SYT8: variants seen among roughly 807,000 people sequenced by gnomAD.
SYT8 encodes synaptotagmin-8.
A neutral mutation model predicts 34.9 loss-of-function variants in SYT8; 50 were observed. The observed-to-expected ratio is 1.43, with a 90% CI of 1.14 to 1.81. SYT8 has a LOEUF of 1.81. SYT8 is among the 40% of genes most tolerant of loss of function. The pLI, the probability that SYT8 is intolerant of heterozygous loss-of-function variation, is 0.00. For missense variants in SYT8, 595 were observed against 529.0 expected (o/e 1.12, Z -1.22); for synonymous variants, 255 against 234.2 (o/e 1.09, Z -0.81).
Position 1,836,948 on chromosome 11 carries a change from C to T in SYT8, c.791-9C>T. 6.2e-7 allele frequency: 1 copy of T among 1,613,398 alleles called. No individual in the cohort carries two copies. On this transcript the variant is annotated splice_polypyrimidine_tract_variant and intron_variant, in intron 6 of 7. Coordinates refer to ENST00000341958, the MANE Select transcript of SYT8 (RefSeq NM_001394072.1). ...CTGGGATGCCCCTTCGGCAACCTTG[C>T]CCTCCCAGAGCCCTACGTGAAGGTC...
intron 6 of SYT8, 21 bp from the exon 7 acceptor site, chr11:1,836,936 T>C (rs1408598313): frequency 1.2e-6 from 2 of 1,613,044 alleles, no homozygotes; most frequent in Non-Finnish European, 1.7e-6. Context: ...GGATGCCCCT[T>C]CGGCAACCTT....
chr11:1,835,988 A>C lies in SYT8; in HGVS notation c.357+4A>C. On this transcript the variant is annotated splice_donor_region_variant and intron_variant, in intron 3 of 7. Transcript: ENST00000341958. ...GTTCGACTTTGGAAGCCAGGAGGTG[A>C]AGGGCCCCGCTGCGCAGGACCAGCG... 6.2e-7 allele frequency: 1 copy of C among 1,605,248 alleles called. No homozygotes were observed. Among genetic ancestry groups the C allele is most frequent in the Non-Finnish European group, 8.5e-7 (1 of 1,177,066 alleles).
In SYT8 at chr11:1,836,790, G is replaced by C. The variant is rs75258793; in HGVS notation, c.719G>C (p.Arg240Pro). Residue 240 changes from arginine to proline, a missense_variant, in exon 6 of 8, where the codon CGG (arginine) becomes CCG (proline). Transcript: ENST00000341958. ...EQVGELCFSLRYVPSSGRLTV... is the reference protein window; with the variant it reads ...EQVGELCFSLPYVPSSGRLTV... ...GTCGGGGAGCTGTGCTTCTCTCTCC[G>C]GTACGTGCCCAGCTCAGGCCGGCTG... 173 of 1,610,716 alleles carry C rather than the reference G, an allele frequency of 1.1e-4. No homozygotes were observed. The highest frequency in any genetic ancestry group is 1.4e-4 in the Non-Finnish European group (170 of 1,179,940).
chr11:1,834,513 T>C, upstream of SYT8: 2 of 1,501,836 alleles, frequency 1.3e-6, no homozygotes, highest in African/African-American at 1.4e-5. This position sits in a 1 kb window ranked among gnomAD's most constrained non-coding sequence, Gnocchi z 4.5. Flanking sequence ...GCCCTGCTCC[T>C]CCCGCCATGA....
At chr11:1,834,628 G>T, upstream of SYT8, 1 of 1,579,044 alleles carries the variant, frequency 6.3e-7, no homozygotes, top group Non-Finnish European at 8.6e-7. The surrounding 1 kb of genome is among the most constrained non-coding windows in gnomAD (Gnocchi z 4.5). Flanking sequence ...GTGCGTGCTG[G>T]GGTAGAGGCA....
rs201918856 is a variant in SYT8 at position 1,835,301 on chromosome 11, C to T, written c.100C>T (p.Arg34Cys). Residue 34 changes from arginine (R) to cysteine (C), a missense_variant, in exon 2 of 8, where the codon CGC (arginine) becomes TGC (cysteine). Transcript: ENST00000341958. ...CAGCCTGGCCTCTACCCCAGGGCCC[C>T]GCTGGGCTCTCATTGCCGGCGCCCT... ...PDLVAGTPWP[R>C]WALIAGALAA... 86 of 1,599,536 alleles carry T rather than the reference C, an allele frequency of 5.4e-5. No individual in the cohort carries two copies. The highest frequency in any genetic ancestry group is 6.4e-5 in the Non-Finnish European group (75 of 1,171,620).
chr11:1,833,361 C>T (rs373689788), upstream of SYT8, among the ~76,000 whole-genome samples: 8 of 152,226 alleles, frequency 5.3e-5, no homozygotes, highest in African/African-American at 1.2e-4. Flanking sequence ...AGGCCCAGTG[C>T]AGAATGAAAA....
intron 1 of SYT8, 23 bp from the exon 2 acceptor site, chr11:1,835,273 A>T: frequency 6.2e-7 from 1 of 1,601,918 alleles, no homozygotes; most frequent in East Asian, 2.2e-5. Context: ...CCACAGATGC[A>T]CTCAGCCTGG....
At chr11:1,833,207 G>A (rs1396810983), upstream of SYT8, among the ~76,000 whole-genome samples, 1 of 152,148 alleles carries the variant, frequency 6.6e-6, no homozygotes, top group Non-Finnish European at 1.5e-5. Flanking sequence ...CGCCAGCCAC[G>A]TGTGGGACGC....
rs1285246040 is a variant in SYT8 at position 1,836,944 on chromosome 11, C to T, written c.791-13C>T. On this transcript the variant is annotated splice_polypyrimidine_tract_variant and intron_variant, in intron 6 of 7. Transcript: ENST00000341958. ...AGCCCTGGGATGCCCCTTCGGCAACCTTGCCCTCCCAGAGCCCTACGTGAA... is the reference window on the plus strand; with the variant it reads ...AGCCCTGGGATGCCCCTTCGGCAACTTTGCCCTCCCAGAGCCCTACGTGAA... 3.7e-6 allele frequency: 6 copies of T among 1,613,378 alleles called. No homozygotes were observed. Among genetic ancestry groups the T allele is most frequent in the Non-Finnish European group, 4.2e-6 (5 of 1,179,850 alleles).
At chr11:1,833,502 A>G (rs1335357418), upstream of SYT8, among the ~76,000 whole-genome samples, 1 of 152,132 alleles carries the variant, frequency 6.6e-6, no homozygotes, top group Non-Finnish European at 1.5e-5. Flanking sequence ...TGACCTCCGC[A>G]TCTCCTTTTT....
chr11:1,834,624 G>C (rs2063551), upstream of SYT8: 1,243,903 of 1,580,074 alleles, frequency 0.79, 490,912 homozygotes, highest in Middle Eastern at 0.82. The surrounding 1 kb of genome is among the most constrained non-coding windows in gnomAD (Gnocchi z 4.5). Flanking sequence ...TGTGGTGCGT[G>C]CTGGGGTAGA....
chr11:1,833,190 A>G (rs1478598381), upstream of SYT8, among the ~76,000 whole-genome samples: 2 of 152,090 alleles, frequency 1.3e-5, no homozygotes, highest in East Asian at 3.9e-4. Flanking sequence ...CACCAGTAGG[A>G]GCGCTCCGCC....
In SYT8 at chr11:1,835,458, T is replaced by G. The variant is rs1846860020; in HGVS notation, c.257T>G (p.Leu86Arg). 3 of 1,609,242 alleles carry G rather than the reference T, an allele frequency of 1.9e-6. No individual in the cohort carries two copies. The highest frequency in any genetic ancestry group is 1.3e-5 in the African/African-American group (1 of 74,914). Residue 86 changes from leucine (L) to arginine (R), a missense_variant and splice_region_variant, in exon 2 of 8, where the codon CTG (leucine) becomes CGG (arginine). Leu to Arg is a moderately radical substitution (Grantham distance 102). Transcript: ENST00000341958. ...GSARGTTTTH[L>R]VQPDVDGLES... is the part of the protein sequence containing the mutation. The stretch of plus-strand genomic sequence containing the variant: ...GCCCGCGGCACCACCACCACCCACC[T>G]GGTGAGGAGCGGCTCCTTGCTCACT...
At chr11:1,836,882 C>A (rs369542982) in intron 6 of SYT8, 21 bp downstream of exon 6, 1 of 1,612,496 alleles carries the variant, frequency 6.2e-7, no homozygotes, top group Admixed American at 1.7e-5. Context: ...CACCTGCCCA[C>A]GTTGTTGTAC....
In SYT8 at chr11:1,837,516, C is replaced by A; in HGVS notation, c.*85C>A. On this transcript the variant is annotated 3_prime_UTR_variant, in exon 8 of 8. Transcript: ENST00000341958. ...GGACCACTGCAATAAACGCCTTCTC[C>A]TGCCACTGTGTGTCCGGCTGGAGCC... is the stretch of plus-strand genomic sequence containing the variant. 1 of 1,546,628 alleles carries A rather than the reference C, an allele frequency of 6.5e-7. No individual in the cohort carries two copies. Among genetic ancestry groups the A allele is most frequent in the Non-Finnish European group, 8.7e-7 (1 of 1,148,716 alleles).
upstream of SYT8, chr11:1,834,877 G>T (rs1846814051): frequency 4.8e-6 from 3 of 626,118 alleles, no homozygotes; most frequent in Non-Finnish European, 8.3e-6. The surrounding 1 kb of genome is among the most constrained non-coding windows in gnomAD (Gnocchi z 4.5). Flanking sequence ...GGGAGGCTGG[G>T]CCTGGGCAGC....
rs1847020581 is a variant in SYT8 at position 1,837,480 on chromosome 11, G to A, written c.*49G>A. On this transcript the variant is annotated 3_prime_UTR_variant, in exon 8 of 8. Transcript: ENST00000341958. ...CCGCTGAGCCCAGGCACTTGCCCAG[G>A]CCGCCCTGCAGGACCACTGCAATAA... 2 of 1,589,184 alleles carry A rather than the reference G, an allele frequency of 1.3e-6. No individual in the cohort carries two copies. The highest frequency in any genetic ancestry group is 1.7e-5 in the Admixed American group (1 of 58,144).
chr11:1,835,658 G>A (rs539040911), intron 2 of SYT8, 199 bp downstream of exon 2: 54 of 754,256 alleles, frequency 7.2e-5, no homozygotes, highest in East Asian at 4.0e-4. Flanking sequence ...CCATGGGCCC[G>A]AGGGAGCCAC....
Sources: gnomAD v4.1 joint callset for allele counts (sites outside exome capture counted in the v4.1 genomes callset) on GRCh38, gnomAD v4.1.1 for gene constraint, Gnocchi (gnomAD v3.1) non-coding constraint, MANE v1.5 for transcripts, NCBI Gene and HGNC (gene_info 2026-07-23, HGNC 2026-07-21) for gene names.